Variants in FKBP9 observed in about 807,000 individuals in gnomAD.
FKBP9 encodes peptidyl-prolyl cis-trans isomerase FKBP9.
FKBP9 carries 27 observed loss-of-function variants against 55.6 expected under a neutral mutation model. The ratio of observed to expected loss-of-function variants is 0.49; its 90% confidence interval spans 0.36 to 0.67. FKBP9 has a LOEUF of 0.67. Ranked by LOEUF, FKBP9 falls within the 30% of genes least tolerant of loss-of-function variation. The pLI is 0.00. For missense variants in FKBP9, 539 were observed against 742.8 expected, an observed-to-expected ratio of 0.73 and a Z score of 3.19; for synonymous variants, 267 against 296.5, an observed-to-expected ratio of 0.90 and a Z score of 1.02.
intron 6 of FKBP9, among the ~76,000 whole-genome samples, chr7:32,993,906 T>C (rs1457883208): frequency 5.3e-5 from 8 of 152,236 alleles, no homozygotes; most frequent in Non-Finnish European, 8.8e-5. Flanking sequence ...TACTACATTT[T>C]GTTGATCAGT....
rs1281981927 is a variant in FKBP9 at position 33,005,162 on chromosome 7, C to A, written c.1537-13C>A. On this transcript the variant is annotated splice_polypyrimidine_tract_variant and intron_variant, in intron 9 of 9. Coordinates refer to ENST00000242209, the MANE Select transcript of FKBP9 (RefSeq NM_007270.5). The stretch of plus-strand genomic sequence containing the variant: ...GCTGAACTCATGGTCTTTCCTGTCC[C>A]CTTCTTTTCCAGTTCTCAGAGTACA... 6.2e-7 allele frequency: 1 copy of A among 1,612,012 alleles called. No individual in the cohort carries two copies. Among genetic ancestry groups the A allele is most frequent in the South Asian group, 1.1e-5 (1 of 90,936 alleles).
At chr7:32,977,819 A>G (rs931237363) in intron 4 of FKBP9, among the ~76,000 whole-genome samples, 38 of 145,178 alleles carry the variant, frequency 2.6e-4, no homozygotes, top group African/African-American at 9.1e-4. Context: ...ATATATATGT[A>G]TATATACACG....
At chr7:32,998,435 G>T (rs1319585428) in intron 7 of FKBP9, 3 of 152,158 alleles carry the variant, frequency 2.0e-5, no homozygotes, top group African/African-American at 7.2e-5. Context: ...CCTGCCTCCT[G>T]CTTGTGTTTG....
Position 32,973,973 on chromosome 7 carries a change from T to A in FKBP9, c.222-644T>A, listed in dbSNP as rs573655961. Among the ~76,000 whole-genome samples the A allele has an allele frequency of 2.6e-5, 4 of 151,966 alleles. No homozygotes were observed. The South Asian group carries it at 8.3e-4, about 32-fold the overall frequency. ...TCCCAAAGTGTTGGGATTACAGGCG[T>A]GAGCCACTGCACCTGGCTGTAAAGT... On this transcript the variant is annotated intron_variant, in intron 1 of 9. Transcript: ENST00000242209.
chr7:32,990,370 C>T (rs747797925), intron 6 of FKBP9, among the ~76,000 whole-genome samples: 4 of 152,254 alleles, frequency 2.6e-5, no homozygotes, highest in Admixed American at 6.5e-5. Context: ...ACATTCTCCC[C>T]GGCAGCCTCC....
chr7:33,002,904 G>A (rs1168493805), intron 9 of FKBP9, 65 bp downstream of exon 9: 4 of 1,552,128 alleles, frequency 2.6e-6, no homozygotes, highest in Admixed American at 3.6e-5. Flanking sequence ...AAGGCCGTGG[G>A]GCCGGTTCTG....
At chr7:32,976,734 TA>T (rs1211665920) in intron 4 of FKBP9, among the ~76,000 whole-genome samples, 1 of 152,212 alleles carries the variant, frequency 6.6e-6, no homozygotes, top group East Asian at 1.9e-4. Flanking sequence ...AGGACCACCA[TA>T]GTGGACAGTG....
chr7:32,977,920 T>TAC (rs1449436381), intron 4 of FKBP9, among the ~76,000 whole-genome samples: 1 of 141,236 alleles, frequency 7.1e-6, no homozygotes, highest in Non-Finnish European at 1.5e-5. Flanking sequence ...CATATATATA[T>TAC]ACACTTTTTT....
chr7:32,997,866 C>T (rs1429881763), intron 7 of FKBP9, among the ~76,000 whole-genome samples: 1 of 152,120 alleles, frequency 6.6e-6, no homozygotes, highest in Non-Finnish European at 1.5e-5. Context: ...TGGATATACT[C>T]TTCAGAGCTC....
At chr7:32,961,590 G>A (rs1784025955) in intron 1 of FKBP9, among the ~76,000 whole-genome samples, 1 of 152,160 alleles carries the variant, frequency 6.6e-6, no homozygotes, top group Non-Finnish European at 1.5e-5. Flanking sequence ...CTGAGCCATG[G>A]ACCTGTTGTG....
intron 6 of FKBP9, among the ~76,000 whole-genome samples, chr7:32,991,756 C>T (rs1784688122): frequency 6.6e-6 from 1 of 152,196 alleles, no homozygotes; most frequent in Admixed American, 6.5e-5. Flanking sequence ...GATGGGTTTG[C>T]AGCCTCAAAG....
intron 2 of FKBP9, 102 bp downstream of exon 2, chr7:32,974,864 T>G: frequency 5.3e-6 from 6 of 1,135,468 alleles, no homozygotes; most frequent in Non-Finnish European, 7.6e-6. Context: ...AGCTTTAGAT[T>G]GGGGGAAAAT....
In FKBP9 at chr7:33,006,097, T is replaced by TTTA; in HGVS notation, c.*748_*749insATT. 1.6e-5 allele frequency: 3 copies of TTTA among 185,204 alleles called. No homozygotes were observed. The highest frequency in any genetic ancestry group is 3.2e-5 in the Non-Finnish European group (3 of 92,348). 11.5% of individuals were successfully genotyped at this position (185,204 alleles called of 1,614,324 possible). On this transcript the variant is annotated 3_prime_UTR_variant, in exon 10 of 10. Coordinates refer to ENST00000242209, the MANE Select transcript of FKBP9 (RefSeq NM_007270.5). ...CTGCTTAGCTTTTCCTTTCCTTTTT[T>TTTA]TTTTTTTTTTTTTTTCTGGAGGCAG...
At chr7:32,960,769 C>T (rs1281261691) in intron 1 of FKBP9, among the ~76,000 whole-genome samples, 1 of 152,188 alleles carries the variant, frequency 6.6e-6, no homozygotes. Context: ...TCTTCCCCAT[C>T]CCTACCACTT....
chr7:32,986,765 C>T (rs1006494844), intron 5 of FKBP9, among the ~76,000 whole-genome samples: 19 of 152,288 alleles, frequency 1.2e-4, no homozygotes, highest in Admixed American at 3.9e-4. Context: ...CCCTGCTCGG[C>T]AGTCCTTCTT....
chr7:32,968,378 G>A (rs1784188722), intron 1 of FKBP9, among the ~76,000 whole-genome samples: 1 of 152,084 alleles, frequency 6.6e-6, no homozygotes, highest in Non-Finnish European at 1.5e-5. Flanking sequence ...AGATCATACA[G>A]TACTTCTATT....
rs1268268379 is a variant in FKBP9, at chr7:32,975,285, G to A, written c.471G>A (p.Pro157=). 1.2e-6 allele frequency: 2 copies of A among 1,613,922 alleles called. No homozygotes were observed. The highest frequency in any genetic ancestry group is 1.7e-6 in the Non-Finnish European group (2 of 1,179,828). The change falls in exon 3 of 10, where the codon CCG becomes CCA. Residue 157 remains proline, a synonymous_variant. Coordinates refer to ENST00000242209, the MANE Select transcript of FKBP9 (RefSeq NM_007270.5). The stretch of plus-strand genomic sequence containing the variant: ...AGATTCACACCTATTTCAAGCCCCC[G>A]AGTTGCCCTCGGACCATCCAGGTGT... ...QVQIHTYFKP[P]SCPRTIQVSD... is the part of the protein sequence containing the mutation.
intron 1 of FKBP9, among the ~76,000 whole-genome samples, chr7:32,970,052 T>G (rs1784223231): frequency 6.6e-6 from 1 of 151,292 alleles, no homozygotes; most frequent in Admixed American, 6.6e-5. Context: ...TTTTTTCTAT[T>G]TCTGCAAAAA....
chr7:32,984,576 T>C (rs1451294949), intron 5 of FKBP9, among the ~76,000 whole-genome samples: 1 of 152,190 alleles, frequency 6.6e-6, no homozygotes, highest in African/African-American at 2.4e-5. Context: ...TATGTCCTAA[T>C]TGCATAATGG....
Sources: allele counts gnomAD v4.1 joint callset (sites outside exome capture counted in the v4.1 genomes callset), GRCh38; gene constraint gnomAD v4.1.1; transcripts MANE v1.5; gene names NCBI Gene and HGNC (gene_info 2026-07-23, HGNC 2026-07-21).